Variants in EFCAB6 observed in about 807,000 individuals in gnomAD.
EFCAB6 encodes the protein EF-hand calcium-binding domain-containing protein 6.
A neutral mutation model predicts 169.8 loss-of-function variants in EFCAB6; 156 were observed. That is an observed-to-expected ratio of 0.92 (90% CI 0.81 to 1.05). The LOEUF (loss-of-function observed/expected upper bound fraction) is 1.05. Among genes scored for constraint, EFCAB6 ranks in the 50% least tolerant of loss-of-function variants. The pLI, the probability that EFCAB6 is intolerant of heterozygous loss-of-function variation, is 0.00. For missense variants in EFCAB6, 1,800 were observed against 1,829.1 expected, an observed-to-expected ratio of 0.98 and a Z score of 0.29; for synonymous variants, 698 against 676.4, an observed-to-expected ratio of 1.03 and a Z score of -0.50.
At chr22:43,695,736 T>G (rs1197544133) in intron 10 of EFCAB6, among the ~76,000 whole-genome samples, 3 of 152,088 alleles carry the variant, frequency 2.0e-5, no homozygotes, top group Non-Finnish European at 2.9e-5. Flanking sequence ...AGGGGCTGCC[T>G]TTTCAACAAA....
At chr22:43,757,559 G>A (rs1418897757) in intron 5 of EFCAB6, among the ~76,000 whole-genome samples, 1 of 152,058 alleles carries the variant, frequency 6.6e-6, no homozygotes, top group Non-Finnish European at 1.5e-5. Context: ...AACAAAAAAA[G>A]GAATTAAATA....
intron 28 of EFCAB6, among the ~76,000 whole-genome samples, 190 bp downstream of exon 28, chr22:43,539,937 C>T (rs2047599209): frequency 1.3e-5 from 2 of 152,308 alleles, no homozygotes; most frequent in South Asian, 4.1e-4. Flanking sequence ...ATCCCCACGT[C>T]TGCCCCCCTC....
At chr22:43,609,939 G>A (rs1164590225) in intron 21 of EFCAB6, among the ~76,000 whole-genome samples, 1 of 152,178 alleles carries the variant, frequency 6.6e-6, no homozygotes, top group Non-Finnish European at 1.5e-5. Context: ...ATCGGCCAGG[G>A]GAAGGGGGAC....
chr22:43,724,731 T>G (rs1405065077), intron 8 of EFCAB6, among the ~76,000 whole-genome samples: 1 of 152,218 alleles, frequency 6.6e-6, no homozygotes, highest in Non-Finnish European at 1.5e-5. Flanking sequence ...CAAAAAGTTC[T>G]AGACTTTCTC....
In EFCAB6 at chr22:43,530,231, G is replaced by T. The variant is rs147870607; in HGVS notation, c.4383+584C>A. ...ACTTCCTTCCTTTCTTTGCATGAGG[G>T]ATAGGGAGAATCCCTGACTGAGATT... is the stretch of plus-strand genomic sequence containing the variant. On this transcript the variant is annotated intron_variant, in intron 31 of 31. Transcript: ENST00000262726. Among the ~76,000 whole-genome samples the T allele has an allele frequency of 2.0e-4, 30 of 152,368 alleles. 1 individual carries two copies. The highest frequency in any genetic ancestry group is 7.2e-4 in the African/African-American group (30 of 41,592).
At chr22:43,588,722 A>G (rs993388962) in intron 24 of EFCAB6, among the ~76,000 whole-genome samples, 9 of 152,230 alleles carry the variant, frequency 5.9e-5, no homozygotes, top group African/African-American at 2.2e-4. Flanking sequence ...TGAAGCTGAC[A>G]GATTAGCTGA....
intron 16 of EFCAB6, 80 bp downstream of exon 16, chr22:43,668,792 G>C: frequency 1.6e-6 from 2 of 1,272,784 alleles, no homozygotes. Context: ...AAAATACTCA[G>C]TTGACAAATA....
intron 2 of EFCAB6, among the ~76,000 whole-genome samples, chr22:43,792,750 T>A (rs1307479592): frequency 6.6e-6 from 1 of 152,198 alleles, no homozygotes; most frequent in African/African-American, 2.4e-5. Context: ...ACTAAGCCTC[T>A]CTCTTCCAGA....
intron 21 of EFCAB6, among the ~76,000 whole-genome samples, chr22:43,611,402 T>C (rs1426726847): frequency 6.6e-6 from 1 of 152,168 alleles, no homozygotes; most frequent in Non-Finnish European, 1.5e-5. Flanking sequence ...ATAATCAATA[T>C]CATTAAAATG....
chr22:43,568,510 C>T (rs1001814978), intron 26 of EFCAB6, among the ~76,000 whole-genome samples: 3 of 152,070 alleles, frequency 2.0e-5, no homozygotes, highest in African/African-American at 7.3e-5. Context: ...GCTGGTTGCA[C>T]CGTTGTCCAT....
intron 19 of EFCAB6, 89 bp from the exon 20 acceptor site, chr22:43,626,768 A>C: frequency 1.4e-5 from 18 of 1,244,328 alleles, no homozygotes; most frequent in Admixed American, 4.0e-5. Context: ...CCTCATCTCC[A>C]CGCGAGGAGG....
At chr22:43,656,095 A>G (rs2056724683) in intron 17 of EFCAB6, among the ~76,000 whole-genome samples, 3 of 152,188 alleles carry the variant, frequency 2.0e-5, no homozygotes. Context: ...TGAGCCCACA[A>G]AAATGTGGTA....
At chr22:43,540,566 A>T in intron 27 of EFCAB6, 1 of 1,510,762 alleles carries the variant, frequency 6.6e-7, no homozygotes, top group Non-Finnish European at 8.8e-7. Flanking sequence ...AGACAAGAGG[A>T]TTATTCATGG....
intron 10 of EFCAB6, among the ~76,000 whole-genome samples, chr22:43,710,986 G>C (rs1421630983): frequency 6.6e-6 from 1 of 152,152 alleles, no homozygotes; most frequent in East Asian, 1.9e-4. Flanking sequence ...GAGGGCTACA[G>C]TTCTAAAAAG....
chr22:43,579,323 C>A (rs925945502), intron 25 of EFCAB6, among the ~76,000 whole-genome samples: 3 of 151,040 alleles, frequency 2.0e-5, no homozygotes, highest in Admixed American at 2.0e-4. Context: ...TCATTCTCTA[C>A]ACGCAGGTAT....
intron 29 of EFCAB6, 104 bp from the exon 30 acceptor site, chr22:43,534,976 T>G: frequency 6.4e-6 from 8 of 1,255,046 alleles, no homozygotes; most frequent in Non-Finnish European, 7.8e-6. Context: ...CTTCAGGCCC[T>G]GGCTTGGTCC....
intron 30 of EFCAB6, among the ~76,000 whole-genome samples, chr22:43,532,573 C>T (rs921779495): frequency 2.8e-5 from 4 of 144,708 alleles, no homozygotes; most frequent in Non-Finnish European, 6.0e-5. Context: ...GCAGAACTGT[C>T]TAAAGTCTTT....
chr22:43,716,265 A>G (rs2147428341), intron 9 of EFCAB6, among the ~76,000 whole-genome samples: 1 of 152,324 alleles, frequency 6.6e-6, no homozygotes, highest in South Asian at 2.1e-4. Flanking sequence ...ATTACCAAAT[A>G]AGCCTCTCTC....
At chr22:43,642,681 T>C (rs1026671580) in intron 17 of EFCAB6, among the ~76,000 whole-genome samples, 6 of 152,202 alleles carry the variant, frequency 3.9e-5, no homozygotes, top group Non-Finnish European at 8.8e-5. Flanking sequence ...CAAACTCTTT[T>C]GGCAAATGCT....
Sources: allele counts gnomAD v4.1 joint callset (sites outside exome capture counted in the v4.1 genomes callset), GRCh38; gene constraint gnomAD v4.1.1; transcripts MANE v1.5; gene names NCBI Gene and HGNC (gene_info 2026-07-23, HGNC 2026-07-21).